The following TMEM178B variants were observed in gnomAD, a reference collection of about 807,000 sequenced individuals.
The protein encoded by TMEM178B is transmembrane protein 178B.
In TMEM178B, 5 loss-of-function variants were observed where a neutral mutation model predicts 31.0. The observed-to-expected ratio is 0.16, with a 90% confidence interval of 0.08 to 0.34. The LOEUF (loss-of-function observed/expected upper bound fraction) is 0.34. Ranked by LOEUF, TMEM178B falls within the 10% of genes least tolerant of loss-of-function variation. The pLI, the probability that TMEM178B is intolerant of heterozygous loss-of-function variation, is 1.00. For synonymous variants in TMEM178B, 164 were observed against 164.0 expected, an observed-to-expected ratio of 1.00 and a Z score of 0.00; for missense variants, 275 against 400.3, an observed-to-expected ratio of 0.69 and a Z score of 2.67.
the TMEM178B span, among the ~76,000 whole-genome samples, chr7:141,501,337 A>G: frequency 6.6e-6 from 1 of 151,828 alleles, no homozygotes; most frequent in Admixed American, 6.6e-5. Flanking sequence ...AGGAGAGTGA[A>G]AATTCAGTCA....
intron 2 of TMEM178B, among the ~76,000 whole-genome samples, chr7:141,267,980 A>G (rs1798120234): frequency 6.6e-6 from 1 of 152,248 alleles, no homozygotes; most frequent in Admixed American, 6.5e-5. Flanking sequence ...GCCTGATTCC[A>G]GCCCATTTGT....
chr7:141,203,050 G>T (rs1280174625), intron 1 of TMEM178B, among the ~76,000 whole-genome samples: 5 of 152,112 alleles, frequency 3.3e-5, no homozygotes, highest in Non-Finnish European at 7.3e-5. Flanking sequence ...AACTCTCGTG[G>T]TCTTCTAAAG....
intron 2 of TMEM178B, among the ~76,000 whole-genome samples, chr7:141,343,565 G>A (rs1211663077): frequency 2.7e-5 from 3 of 110,676 alleles, no homozygotes; most frequent in African/African-American, 1.1e-4. Context: ...ATGGAGTCTT[G>A]CTCTGTCTCC....
At chr7:141,091,650 A>G (rs1307406032) in intron 1 of TMEM178B, among the ~76,000 whole-genome samples, 1 of 152,192 alleles carries the variant, frequency 6.6e-6, no homozygotes, top group Non-Finnish European at 1.5e-5. Flanking sequence ...AGGAATAACA[A>G]CAAGAATATC....
intron 2 of TMEM178B, among the ~76,000 whole-genome samples, chr7:141,357,383 T>C (rs1242477914): frequency 1.3e-5 from 2 of 152,242 alleles, no homozygotes; most frequent in East Asian, 3.8e-4. Flanking sequence ...CCACCTGTCT[T>C]CTTGTTTGTG....
chr7:141,420,020 C>T (rs557453214), intron 2 of TMEM178B, among the ~76,000 whole-genome samples: 1 of 152,290 alleles, frequency 6.6e-6, no homozygotes, highest in African/African-American at 2.4e-5. Flanking sequence ...GAATACTCTT[C>T]CCCCAGACAT....
At chr7:141,311,292 G>A (rs927204211) in intron 2 of TMEM178B, among the ~76,000 whole-genome samples, 13 of 152,122 alleles carry the variant, frequency 8.5e-5, no homozygotes, top group Non-Finnish European at 1.5e-4. Flanking sequence ...CATGTATCCT[G>A]GAACCTAAAA....
downstream of TMEM178B, among the ~76,000 whole-genome samples, chr7:141,482,674 A>G (rs1451943990): frequency 6.6e-6 from 1 of 152,182 alleles, no homozygotes; most frequent in African/African-American, 2.4e-5. Flanking sequence ...AAGAGCTACT[A>G]TACTCAGGGT....
chr7:141,079,374 A>T (rs762119531), intron 1 of TMEM178B, among the ~76,000 whole-genome samples: 2 of 152,236 alleles, frequency 1.3e-5, no homozygotes, highest in Non-Finnish European at 1.5e-5. Flanking sequence ...TGGCTATTGT[A>T]TGGGACAGTG....
intron 2 of TMEM178B, among the ~76,000 whole-genome samples, chr7:141,363,164 C>A (rs747356123): frequency 6.6e-6 from 1 of 152,128 alleles, no homozygotes; most frequent in African/African-American, 2.4e-5. Flanking sequence ...AAAGAGCGAG[C>A]GAGTGTTAAT....
At chr7:141,079,153 G>C (rs1794644448) in intron 1 of TMEM178B, among the ~76,000 whole-genome samples, 1 of 152,190 alleles carries the variant, frequency 6.6e-6, no homozygotes, top group Non-Finnish European at 1.5e-5. Context: ...TGGGCATGGT[G>C]GTGTGTGTCT....
At chr7:141,406,464 A>G (rs1445336048) in intron 2 of TMEM178B, among the ~76,000 whole-genome samples, 1 of 152,244 alleles carries the variant, frequency 6.6e-6, no homozygotes, top group Non-Finnish European at 1.5e-5. Context: ...AGGACTTCTA[A>G]CAGGACAAAC....
chr7:141,360,208 A>T (rs899301959), intron 2 of TMEM178B, among the ~76,000 whole-genome samples: 1 of 152,210 alleles, frequency 6.6e-6, no homozygotes, highest in South Asian at 2.1e-4. Context: ...TTTCTTACTA[A>T]CAAAATCCTG....
chr7:141,366,714 T>G (rs1800011240), intron 2 of TMEM178B, among the ~76,000 whole-genome samples: 1 of 152,200 alleles, frequency 6.6e-6, no homozygotes, highest in Non-Finnish European at 1.5e-5. Flanking sequence ...ATTTTCCTTC[T>G]GCTTTTCTTC....
At chr7:141,452,922 G>A (rs1801894594) in intron 3 of TMEM178B, among the ~76,000 whole-genome samples, 1 of 152,212 alleles carries the variant, frequency 6.6e-6, no homozygotes, top group Non-Finnish European at 1.5e-5. Flanking sequence ...GGGGTTGAAT[G>A]TCAGACACAA....
At chr7:141,345,620 G>A (rs1277749535) in intron 2 of TMEM178B, among the ~76,000 whole-genome samples, 1 of 152,152 alleles carries the variant, frequency 6.6e-6, no homozygotes, top group African/African-American at 2.4e-5. Context: ...CCTGCAATGG[G>A]CTTGGTACAG....
chr7:141,385,903 T>A (rs1419242416), intron 2 of TMEM178B, among the ~76,000 whole-genome samples: 1 of 152,268 alleles, frequency 6.6e-6, no homozygotes, highest in African/African-American at 2.4e-5. Context: ...GCTGCTAGTT[T>A]GGCCCCACCT....
chr7:141,423,149 C>T (rs1490065288), intron 2 of TMEM178B, among the ~76,000 whole-genome samples: 1 of 152,170 alleles, frequency 6.6e-6, no homozygotes, highest in African/African-American at 2.4e-5. Flanking sequence ...AAGTGATTCT[C>T]TTGCCTCAGC....
chr7:141,215,591 G>T (rs1797119793), intron 2 of TMEM178B, among the ~76,000 whole-genome samples: 1 of 151,962 alleles, frequency 6.6e-6, no homozygotes, highest in Admixed American at 6.5e-5. Context: ...CTTCCAAAGT[G>T]CTGGGATTAC....
Sources: gnomAD v4.1 joint callset for allele counts (sites outside exome capture counted in the v4.1 genomes callset) on GRCh38, gnomAD v4.1.1 for gene constraint, MANE v1.5 for transcripts, NCBI Gene and HGNC (gene_info 2026-07-23, HGNC 2026-07-21) for gene names.